Variants in SEMA6D observed in about 807,000 individuals in gnomAD.
SEMA6D encodes semaphorin-6D.
In SEMA6D, 35 loss-of-function variants were observed where a neutral mutation model predicts 106.6. The observed-to-expected ratio is 0.33, with a 90% CI of 0.25 to 0.44. The LOEUF is 0.44. Among genes scored for constraint, SEMA6D ranks in the 20% least tolerant of loss-of-function variants. SEMA6D has a pLI of 1.00. For synonymous variants in SEMA6D, 499 were observed against 487.7 expected, an observed-to-expected ratio of 1.02 and a Z score of -0.31; for missense variants, 1,185 against 1,345.9, an observed-to-expected ratio of 0.88 and a Z score of 1.87.
chr15:47,477,692 G>A (rs2043040447), intron 3 of SEMA6D, among the ~76,000 whole-genome samples: 1 of 151,734 alleles, frequency 6.6e-6, no homozygotes, highest in African/African-American at 2.4e-5. Context: ...CTTTTTGGTT[G>A]GGTGACACAG....
At chr15:47,597,658 A>G (rs2076563925) in intron 3 of SEMA6D, among the ~76,000 whole-genome samples, 2 of 151,964 alleles carry the variant, frequency 1.3e-5, no homozygotes, top group Admixed American at 1.3e-4. Context: ...TATGGAGTCT[A>G]AAATAATAAA....
At chr15:47,345,970 A>G (rs2038029611) in intron 1 of SEMA6D, among the ~76,000 whole-genome samples, 1 of 152,158 alleles carries the variant, frequency 6.6e-6, no homozygotes, top group African/African-American at 2.4e-5. Flanking sequence ...TGGCCATTTT[A>G]TTATGTCAAT....
At chr15:47,228,302 T>C (rs1047104413) in intron 1 of SEMA6D, among the ~76,000 whole-genome samples, 2 of 151,732 alleles carry the variant, frequency 1.3e-5, no homozygotes, top group Admixed American at 6.6e-5. Context: ...TGAAGACAAA[T>C]GTAGATTACT....
intron 3 of SEMA6D, among the ~76,000 whole-genome samples, chr15:47,511,422 G>T (rs1766283798): frequency 6.6e-6 from 1 of 152,172 alleles, no homozygotes; most frequent in South Asian, 2.1e-4. Flanking sequence ...ACCTAGAGAT[G>T]TAGCATGACT....
At chr15:47,527,959 A>G (rs1461399877) in intron 3 of SEMA6D, among the ~76,000 whole-genome samples, 1 of 152,192 alleles carries the variant, frequency 6.6e-6, no homozygotes. Flanking sequence ...CAACATAAAA[A>G]GCTCCTGTGC....
intron 1 of SEMA6D, among the ~76,000 whole-genome samples, chr15:47,279,913 A>T (rs1047964408): frequency 4.7e-5 from 7 of 150,416 alleles, no homozygotes; most frequent in Admixed American, 4.6e-4. Context: ...TTGATGTGCT[A>T]CTGGATTCGG....
At chr15:47,619,735 G>A (rs1367135495) in intron 4 of SEMA6D, among the ~76,000 whole-genome samples, 1 of 152,124 alleles carries the variant, frequency 6.6e-6, no homozygotes, top group African/African-American at 2.4e-5. Flanking sequence ...GCTCTTTAGT[G>A]TGAATTTGAG....
At chr15:47,329,760 A>G (rs1181016471) in intron 1 of SEMA6D, among the ~76,000 whole-genome samples, 1 of 152,170 alleles carries the variant, frequency 6.6e-6, no homozygotes, top group Non-Finnish European at 1.5e-5. Context: ...TACCAAATAT[A>G]TTTAGGGTTG....
intron 3 of SEMA6D, among the ~76,000 whole-genome samples, chr15:47,565,350 G>A (rs1300365220): frequency 6.6e-6 from 1 of 152,198 alleles, no homozygotes; most frequent in Non-Finnish European, 1.5e-5. Flanking sequence ...CTGAGTGAGT[G>A]GAGATCATCC....
At chr15:47,396,614 C>T (rs936337743) in intron 1 of SEMA6D, 7 of 152,186 alleles carry the variant, frequency 4.6e-5, no homozygotes, top group African/African-American at 7.2e-5. Context: ...CTAGTCCTTC[C>T]GCATTCCTCT....
intron 1 of SEMA6D, among the ~76,000 whole-genome samples, chr15:47,354,924 G>T (rs1005403938): frequency 1.3e-5 from 2 of 152,106 alleles, no homozygotes; most frequent in Non-Finnish European, 2.9e-5. Flanking sequence ...AAAAATTTGT[G>T]AAATTGTTCC....
intron 1 of SEMA6D, among the ~76,000 whole-genome samples, chr15:47,383,156 G>A (rs2039703231): frequency 6.6e-6 from 1 of 152,190 alleles, no homozygotes; most frequent in South Asian, 2.1e-4. Flanking sequence ...TTACAGCTTT[G>A]ATGCAACTAA....
In SEMA6D at chr15:47,304,433, T is replaced by TAAAAA. The variant is rs56185341; in HGVS notation, c.-238-107928_-238-107924dup. 1.0e-3 allele frequency among the ~76,000 whole-genome samples: 94 copies of TAAAAA among 93,814 alleles called. 8 individuals carry two copies. The highest frequency in any genetic ancestry group is 7.0e-3 in the East Asian group (14 of 1,998). The allele number at this position is 93,814 out of a possible 152,430, so 61.5% of individuals were successfully genotyped here. A position where few individuals can be genotyped will look rare whatever the true frequency, so the allele number is the denominator to read the frequency against. On this transcript the variant is annotated intron_variant, in intron 1 of 19. Transcript: ENST00000558014. ...TGCACTCCAGCCTGAGCCTTCTAAC[T>TAAAAA]AAAAAAAAAAAAAAAAAAAAAAAAA...
chr15:47,309,151 T>TC (rs912748889), intron 1 of SEMA6D, among the ~76,000 whole-genome samples: 8 of 152,000 alleles, frequency 5.3e-5, no homozygotes, highest in African/African-American at 9.7e-5. Flanking sequence ...AATACAGTAG[T>TC]CCCCCCCATC....
At chr15:47,308,388 A>G (rs1003639118) in intron 1 of SEMA6D, among the ~76,000 whole-genome samples, 1 of 152,230 alleles carries the variant, frequency 6.6e-6, no homozygotes, top group Non-Finnish European at 1.5e-5. Context: ...AACTTCAGGT[A>G]TATAGTAAAC....
At chr15:47,693,303 C>A (rs1469942217) in intron 4 of SEMA6D, among the ~76,000 whole-genome samples, 2 of 152,080 alleles carry the variant, frequency 1.3e-5, no homozygotes, top group African/African-American at 2.4e-5. Flanking sequence ...TCAGAGGGAA[C>A]CAAGCTTGCC....
chr15:47,337,111 A>C (rs1178144426), intron 1 of SEMA6D, among the ~76,000 whole-genome samples: 4 of 152,122 alleles, frequency 2.6e-5, no homozygotes, highest in African/African-American at 4.8e-5. Flanking sequence ...AGAGCAAGTA[A>C]ATGCCCATAA....
chr15:47,359,995 T>A (rs1248256983), intron 1 of SEMA6D: 3 of 152,202 alleles, frequency 2.0e-5, no homozygotes, highest in African/African-American at 7.2e-5. Context: ...TCAGAAGTGC[T>A]TTGTGTTTTA....
At chr15:47,650,749 C>T (rs2144946503) in intron 4 of SEMA6D, among the ~76,000 whole-genome samples, 1 of 152,330 alleles carries the variant, frequency 6.6e-6, no homozygotes, top group Non-Finnish European at 1.5e-5. Flanking sequence ...AAGTGCCACA[C>T]TGACCTGGGG....
Sources: allele counts gnomAD v4.1 joint callset (sites outside exome capture counted in the v4.1 genomes callset), GRCh38; gene constraint gnomAD v4.1.1; transcripts MANE v1.5; gene names NCBI Gene and HGNC (gene_info 2026-07-23, HGNC 2026-07-21).